PHACTR3: variants seen among roughly 807,000 people sequenced by gnomAD.
PHACTR3 encodes the protein phosphatase and actin regulator 3.
Under a neutral mutation model 66.8 loss-of-function variants are expected in PHACTR3, and 16 were observed. That is an observed-to-expected ratio of 0.24 (90% CI 0.16 to 0.36). PHACTR3 has a LOEUF of 0.36. PHACTR3 is among the 10% of genes least tolerant of loss of function. The probability of loss-of-function intolerance (pLI) is 1.00; values close to 1 mark genes in which losing one functional copy is unlikely to be tolerated. For synonymous variants in PHACTR3, 323 were observed against 292.1 expected (o/e 1.11, Z -1.08); for missense variants, 647 against 719.9 (o/e 0.90, Z 1.16).
chr20:59,589,880 T>C (rs2033139553), intron 1 of PHACTR3, among the ~76,000 whole-genome samples: 1 of 152,258 alleles, frequency 6.6e-6, no homozygotes, highest in Non-Finnish European at 1.5e-5. Context: ...ATTAACATTC[T>C]AACGATCCAA....
intron 7 of PHACTR3, among the ~76,000 whole-genome samples, chr20:59,801,308 T>A (rs1371569553): frequency 6.6e-6 from 1 of 152,220 alleles, no homozygotes; most frequent in Non-Finnish European, 1.5e-5. Flanking sequence ...TTCTCATTTT[T>A]CAAGAATCAC....
intron 1 of PHACTR3, among the ~76,000 whole-genome samples, chr20:59,693,241 G>A (rs1196046439): frequency 1.3e-5 from 2 of 152,190 alleles, no homozygotes; most frequent in East Asian, 1.9e-4. Context: ...CCAAGATCCT[G>A]TGACTTGTTG....
chr20:59,721,766 A>G (rs1428048240), intron 1 of PHACTR3, among the ~76,000 whole-genome samples: 1 of 152,166 alleles, frequency 6.6e-6, no homozygotes, highest in Non-Finnish European at 1.5e-5. Flanking sequence ...GAGGAACTTG[A>G]ACACAGTAGT....
chr20:59,742,391 A>G (rs372666384), intron 1 of PHACTR3, among the ~76,000 whole-genome samples: 1 of 152,228 alleles, frequency 6.6e-6, no homozygotes. Context: ...CACGTGTCCC[A>G]GAGTCTACAA....
chr20:59,597,767 G>A (rs1258261136), intron 1 of PHACTR3, among the ~76,000 whole-genome samples: 5 of 152,304 alleles, frequency 3.3e-5, no homozygotes, highest in East Asian at 3.9e-4. Flanking sequence ...TGCTGTTAGC[G>A]TTTCATCCTC....
intron 8 of PHACTR3, among the ~76,000 whole-genome samples, chr20:59,808,953 A>G (rs1178649132): frequency 6.6e-6 from 1 of 152,044 alleles, no homozygotes; most frequent in African/African-American, 2.4e-5. Flanking sequence ...TCCGCTTCTG[A>G]CCACCAAACG....
intron 1 of PHACTR3, among the ~76,000 whole-genome samples, chr20:59,741,293 CG>C (rs2039153034): frequency 6.6e-6 from 1 of 152,200 alleles, no homozygotes; most frequent in Non-Finnish European, 1.5e-5. Context: ...AGCCAGCTGT[CG>C]GGGAGTGTGT....
At chr20:59,794,608 A>G (rs1391858040) in intron 7 of PHACTR3, among the ~76,000 whole-genome samples, 1 of 152,202 alleles carries the variant, frequency 6.6e-6, no homozygotes, top group East Asian at 1.9e-4. Context: ...TAGTTTAGGA[A>G]GAACTGATAT....
intron 1 of PHACTR3, among the ~76,000 whole-genome samples, chr20:59,710,132 G>A (rs540170942): frequency 6.6e-6 from 1 of 152,148 alleles, no homozygotes; most frequent in East Asian, 1.9e-4. Flanking sequence ...ATTGGTTTCT[G>A]GAAAGATTTA....
At chr20:59,779,988 C>A (rs768364544) in intron 7 of PHACTR3, among the ~76,000 whole-genome samples, 1 of 152,254 alleles carries the variant, frequency 6.6e-6, no homozygotes, top group Non-Finnish European at 1.5e-5. Flanking sequence ...TGTCTTTTCT[C>A]TGTGCTGAAC....
intron 1 of PHACTR3, among the ~76,000 whole-genome samples, chr20:59,739,010 G>T (rs1038531601): frequency 6.6e-6 from 1 of 152,122 alleles, no homozygotes; most frequent in Admixed American, 6.5e-5. Context: ...GAGAGGATGA[G>T]AACATGGAAT....
At chr20:59,638,278 G>A (rs2034964543) in intron 1 of PHACTR3, among the ~76,000 whole-genome samples, 1 of 152,154 alleles carries the variant, frequency 6.6e-6, no homozygotes, top group Admixed American at 6.5e-5. Context: ...GCCTTGTGAG[G>A]ACAGGGACAG....
chr20:59,728,101 G>C (rs73915091), intron 1 of PHACTR3, among the ~76,000 whole-genome samples: 1 of 152,090 alleles, frequency 6.6e-6, no homozygotes, highest in Admixed American at 6.5e-5. Context: ...CATGATATTG[G>C]CATCTGCCAC....
intron 1 of PHACTR3, among the ~76,000 whole-genome samples, chr20:59,639,808 A>C (rs902166927): frequency 6.6e-6 from 1 of 152,026 alleles, no homozygotes; most frequent in Non-Finnish European, 1.5e-5. Context: ...TACTACCTTC[A>C]TTTCTTTTCT....
intron 10 of PHACTR3, 81 bp downstream of exon 10, chr20:59,840,511 G>T (rs2059039276): frequency 6.3e-7 from 1 of 1,580,374 alleles, no homozygotes; most frequent in African/African-American, 1.4e-5. Context: ...GATGGGTAAT[G>T]CTAGGTATCA....
At chr20:59,723,053 T>C (rs1256579320) in intron 1 of PHACTR3, among the ~76,000 whole-genome samples, 1 of 143,916 alleles carries the variant, frequency 6.9e-6, no homozygotes, top group East Asian at 2.1e-4. Flanking sequence ...TTTTTCTTTC[T>C]TTCTTTCTCT....
chr20:59,831,765 C>T (rs1298257352), intron 8 of PHACTR3, among the ~76,000 whole-genome samples: 2 of 152,220 alleles, frequency 1.3e-5, no homozygotes, highest in South Asian at 2.1e-4. Flanking sequence ...CCTGCCCCAG[C>T]CAGGTCCAAG....
intron 1 of PHACTR3, among the ~76,000 whole-genome samples, chr20:59,623,450 A>T (rs1568940943): frequency 6.6e-6 from 1 of 152,152 alleles, no homozygotes. Context: ...CATTAGTGAA[A>T]ACCAGGTCTC....
chr20:59,584,854 C>G (rs1335162459), intron 1 of PHACTR3, among the ~76,000 whole-genome samples: 1 of 152,204 alleles, frequency 6.6e-6, no homozygotes, highest in Non-Finnish European at 1.5e-5. Context: ...CCTGTAAGCT[C>G]TTATTGTCCA....
Sources: gnomAD v4.1 joint callset for allele counts (sites outside exome capture counted in the v4.1 genomes callset) on GRCh38, gnomAD v4.1.1 for gene constraint, MANE v1.5 for transcripts, NCBI Gene and HGNC (gene_info 2026-07-23, HGNC 2026-07-21) for gene names.